Variants in ARL15 observed in about 807,000 individuals in gnomAD.
The protein encoded by ARL15 is ARF like GTPase 15.
Under a neutral mutation model 25.2 loss-of-function variants are expected in ARL15, and 19 were observed. The ratio of observed to expected loss-of-function variants is 0.75; its 90% CI spans 0.53 to 1.10. The LOEUF is 1.10. Ranked by LOEUF, ARL15 falls within the 50% of genes least tolerant of loss-of-function variation. The pLI, the probability that ARL15 is intolerant of heterozygous loss-of-function variation, is 0.00. For synonymous variants in ARL15, 94 were observed against 86.8 expected (o/e 1.08, Z -0.46); for missense variants, 220 against 246.0 (o/e 0.89, Z 0.71).
chr5:54,302,683 A>ATTTTTTTTTTTTT (rs372704359), intron 1 of ARL15, among the ~76,000 whole-genome samples: 1 of 77,860 alleles, frequency 1.3e-5, no homozygotes, highest in African/African-American at 5.1e-5. Flanking sequence ...TAAAATTAAG[A>ATTTTTTTTTTTTT]TTTTTTTTTT....
At chr5:53,991,731 T>C (rs1049184671) in intron 4 of ARL15, among the ~76,000 whole-genome samples, 1 of 151,898 alleles carries the variant, frequency 6.6e-6, no homozygotes, top group Admixed American at 6.6e-5. Context: ...TCAGCAGAGG[T>C]TCCCAAATTT....
At chr5:54,232,477 C>T (rs1210241105) in intron 1 of ARL15, among the ~76,000 whole-genome samples, 2 of 152,138 alleles carry the variant, frequency 1.3e-5, no homozygotes, top group African/African-American at 2.4e-5. Context: ...TTCTGACATT[C>T]GAAGCTCCCT....
intron 1 of ARL15, among the ~76,000 whole-genome samples, chr5:54,221,825 G>A (rs921177852): frequency 7.0e-6 from 1 of 142,020 alleles, no homozygotes; most frequent in African/African-American, 2.6e-5. Context: ...CAAGAAACAT[G>A]CACACACACA....
At chr5:54,168,094 T>C (rs530199873) in intron 2 of ARL15, among the ~76,000 whole-genome samples, 4 of 152,366 alleles carry the variant, frequency 2.6e-5, no homozygotes, top group Non-Finnish European at 5.9e-5. Context: ...CAGGGTTGTT[T>C]GTATATTTTG....
At chr5:54,302,176 G>A (rs934092758) in intron 1 of ARL15, among the ~76,000 whole-genome samples, 2 of 152,136 alleles carry the variant, frequency 1.3e-5, no homozygotes, top group Non-Finnish European at 1.5e-5. Flanking sequence ...AAACAATCAA[G>A]TGACCCCTCA....
intron 1 of ARL15, among the ~76,000 whole-genome samples, chr5:54,298,092 A>G (rs1202510374): frequency 6.6e-6 from 1 of 152,068 alleles, no homozygotes; most frequent in Non-Finnish European, 1.5e-5. Context: ...GAAATCTTCT[A>G]CTTTCTATGT....
chr5:54,065,796 A>C (rs1427890728), intron 4 of ARL15, among the ~76,000 whole-genome samples: 1 of 152,168 alleles, frequency 6.6e-6, no homozygotes, highest in Non-Finnish European at 1.5e-5. Flanking sequence ...ATAATGTAAA[A>C]CCTCTCATTA....
chr5:54,112,631 C>T (rs1315110301), intron 4 of ARL15, among the ~76,000 whole-genome samples: 3 of 152,160 alleles, frequency 2.0e-5, no homozygotes, highest in Non-Finnish European at 4.4e-5. Flanking sequence ...TAGAATTAGT[C>T]TCATGCTTTT....
intron 4 of ARL15, among the ~76,000 whole-genome samples, chr5:54,087,110 G>A (rs1751984380): frequency 6.6e-6 from 1 of 152,174 alleles, no homozygotes; most frequent in South Asian, 2.1e-4. Flanking sequence ...GTCAAGGTGG[G>A]CGGATCACGA....
intron 4 of ARL15, among the ~76,000 whole-genome samples, chr5:54,083,150 C>T (rs1299769932): frequency 2.0e-5 from 3 of 152,148 alleles, no homozygotes; most frequent in Non-Finnish European, 4.4e-5. Context: ...GAAGAAATAA[C>T]CATGACGTCT....
chr5:54,209,840 C>A (rs1200453619), intron 1 of ARL15, among the ~76,000 whole-genome samples: 1 of 152,030 alleles, frequency 6.6e-6, no homozygotes, highest in East Asian at 1.9e-4. Context: ...TATTTTTTAT[C>A]TTTTATTTAT....
chr5:54,212,973 G>A (rs1756086824), intron 1 of ARL15, among the ~76,000 whole-genome samples: 1 of 152,170 alleles, frequency 6.6e-6, no homozygotes, highest in Non-Finnish European at 1.5e-5. Flanking sequence ...TGTCTCTAAG[G>A]TCCCTTGACA....
chr5:54,190,845 T>C (rs1259598789), intron 1 of ARL15, among the ~76,000 whole-genome samples: 1 of 152,190 alleles, frequency 6.6e-6, no homozygotes, highest in Non-Finnish European at 1.5e-5. Flanking sequence ...AGAACCCTTG[T>C]ACACTGTTGG....
rs533527375 is a variant in ARL15, at chr5:53,894,773, A to C, written c.463-8060T>G. The stretch of plus-strand genomic sequence containing the variant: ...CTAGGTGCCTCCATCCACAGGTGGG[A>C]AGGATCAGCCTATAAATACTCTCTC... On this transcript the variant is annotated intron_variant, in intron 4 of 4. Coordinates refer to ENST00000504924, the MANE Select transcript of ARL15 (RefSeq NM_019087.3). 3.3e-5 allele frequency among the ~76,000 whole-genome samples: 5 copies of C among 152,216 alleles called. No homozygotes were observed. In the East Asian group the frequency reaches 9.7e-4, roughly 29 times the overall value.
At chr5:54,199,921 T>G (rs1579903608) in intron 1 of ARL15, among the ~76,000 whole-genome samples, 3 of 132,362 alleles carry the variant, frequency 2.3e-5, no homozygotes, top group African/African-American at 5.9e-5. Context: ...TAGACTGGAT[T>G]AAGAAAATGT....
Position 54,003,704 on chromosome 5 carries a change from CTA to C in ARL15, c.462+109496_462+109497del, listed in dbSNP as rs1161567063. On this transcript the variant is annotated intron_variant, in intron 4 of 4. Transcript: ENST00000504924. ...TCTATCTATCTATCTATCTATCTAT[CTA>C]TCTATCTATCTCTACTTTGGCCTGG... Among the ~76,000 whole-genome samples the C allele has an allele frequency of 1.5e-3, 228 of 148,506 alleles. 1 individual carries two copies. Among genetic ancestry groups the C allele is most frequent in the African/African-American group, 5.8e-3 (225 of 38,534 alleles).
chr5:54,029,002 C>T (rs1749876800), intron 4 of ARL15, among the ~76,000 whole-genome samples: 1 of 151,816 alleles, frequency 6.6e-6, no homozygotes, highest in Non-Finnish European at 1.5e-5. Context: ...GCACCCAAGC[C>T]TGGGCAACAG....
At chr5:54,141,811 AG>A (rs1753790572) in intron 3 of ARL15, among the ~76,000 whole-genome samples, 2 of 152,232 alleles carry the variant, frequency 1.3e-5, no homozygotes, top group South Asian at 4.1e-4. Context: ...AATTTATCTC[AG>A]TAGGAGAACA....
Position 53,892,314 on chromosome 5 carries a change from T to C in ARL15, c.463-5601A>G, listed in dbSNP as rs1744741260. Reference sequence around the variant, plus strand: ...GACAACTTTAGCTCCTTCAAACTGATGGGGATAGGTCAGCTAATGCAGATG... The same window carrying C: ...GACAACTTTAGCTCCTTCAAACTGACGGGGATAGGTCAGCTAATGCAGATG... On this transcript the variant is annotated intron_variant, in intron 4 of 4. Transcript: ENST00000504924. Among the ~76,000 whole-genome samples, 3 of 152,258 alleles carry C rather than the reference T, an allele frequency of 2.0e-5. No homozygotes were observed. In the South Asian group the frequency reaches 6.2e-4, roughly 32 times the overall value.
Sources: gnomAD v4.1 joint callset for allele counts (sites outside exome capture counted in the v4.1 genomes callset) on GRCh38, gnomAD v4.1.1 for gene constraint, MANE v1.5 for transcripts, NCBI Gene and HGNC (gene_info 2026-07-23, HGNC 2026-07-21) for gene names.